Variants in STXBP4 observed in about 807,000 individuals in gnomAD.
The protein encoded by STXBP4 is syntaxin-binding protein 4.
STXBP4 carries 55 observed loss-of-function variants against 76.1 expected under a neutral mutation model. That is an observed-to-expected ratio of 0.72 (90% CI 0.58 to 0.91). The LOEUF (loss-of-function observed/expected upper bound fraction) is 0.91, where lower values mean the gene tolerates loss of function less well. Among genes scored for constraint, STXBP4 ranks in the 40% least tolerant of loss-of-function variants. STXBP4 has a pLI of 0.00. For synonymous variants in STXBP4, 201 were observed against 220.2 expected, an observed-to-expected ratio of 0.91 and a Z score of 0.77; for missense variants, 618 against 636.9, an observed-to-expected ratio of 0.97 and a Z score of 0.32.
chr17:55,105,751 T>C (rs1427716338), intron 16 of STXBP4, among the ~76,000 whole-genome samples: 1 of 152,136 alleles, frequency 6.6e-6, no homozygotes, highest in Non-Finnish European at 1.5e-5. Context: ...GTGCTGGGAT[T>C]ACAGGCATGA....
the STXBP4 span, among the ~76,000 whole-genome samples, chr17:55,190,658 C>T: frequency 1.5e-3 from 223 of 152,164 alleles, 7 homozygotes; most frequent in South Asian, 0.045. Flanking sequence ...GATCTGCTCC[C>T]GAGGGAGATA....
chr17:55,139,749 C>T (rs1453655080), intron 16 of STXBP4, among the ~76,000 whole-genome samples: 1 of 151,972 alleles, frequency 6.6e-6, no homozygotes, highest in Non-Finnish European at 1.5e-5. Flanking sequence ...CTAGGAAGTG[C>T]TTATTTTCTA....
chr17:54,971,389 CT>C (rs2077398483), intron 1 of STXBP4, among the ~76,000 whole-genome samples: 1 of 152,196 alleles, frequency 6.6e-6, no homozygotes, highest in South Asian at 2.1e-4. Flanking sequence ...GATTCACTTC[CT>C]GGTGAGGGGT....
chr17:55,067,936 A>C (rs931174104), intron 12 of STXBP4, among the ~76,000 whole-genome samples: 1 of 152,136 alleles, frequency 6.6e-6, no homozygotes, highest in Admixed American at 6.5e-5. Flanking sequence ...AAAAGAAAGC[A>C]TATGTCAGAG....
At chr17:55,046,207 G>C (rs922579562) in intron 11 of STXBP4, among the ~76,000 whole-genome samples, 2 of 151,940 alleles carry the variant, frequency 1.3e-5, no homozygotes, top group Non-Finnish European at 2.9e-5. Context: ...GAGTGAAGGT[G>C]ACTTCCCAGA....
chr17:55,116,418 T>G (rs1028875292), intron 16 of STXBP4, among the ~76,000 whole-genome samples: 1 of 151,846 alleles, frequency 6.6e-6, no homozygotes. Flanking sequence ...AGTTGCTGAC[T>G]TGCCATGTGA....
At chr17:55,042,166 T>C (rs1173782138) in intron 10 of STXBP4, among the ~76,000 whole-genome samples, 1 of 152,160 alleles carries the variant, frequency 6.6e-6, no homozygotes. Flanking sequence ...AAAGCAAATA[T>C]GAGTTTATTA....
At chr17:54,990,565 A>T (rs901613824) in intron 3 of STXBP4, among the ~76,000 whole-genome samples, 5 of 152,138 alleles carry the variant, frequency 3.3e-5, no homozygotes, top group African/African-American at 1.2e-4. Context: ...TAATTATTTT[A>T]TTATATATTA....
chr17:55,159,807 C>A lies in STXBP4; in HGVS notation c.1558C>A (p.Gln520Lys). The A allele has an allele frequency of 6.2e-7, 1 of 1,608,770 alleles. No homozygotes were observed. Among genetic ancestry groups the A allele is most frequent in the Non-Finnish European group, 8.5e-7 (1 of 1,175,508 alleles). ...CTTGTTCTTCTCAAGTCATGTAACACAGACTACATCCTGGATCCATCCCGT... is the reference window on the plus strand; with the variant it reads ...CTTGTTCTTCTCAAGTCATGTAACAAAGACTACATCCTGGATCCATCCCGT... ...GIKYFINHVTQTTSWIHPVMS... is the reference protein window; with the variant it reads ...GIKYFINHVTKTTSWIHPVMS... Residue 520 changes from glutamine (Q) to lysine (K), a missense_variant, in exon 18 of 18, where the codon CAG becomes AAG. Gln to Lys is a moderately conservative substitution (Grantham distance 53, BLOSUM62 1). Coordinates refer to ENST00000376352, the MANE Select transcript of STXBP4 (RefSeq NM_178509.6).
At chr17:55,064,852 G>A (rs756381907) in intron 12 of STXBP4, among the ~76,000 whole-genome samples, 31 of 151,758 alleles carry the variant, frequency 2.0e-4, no homozygotes, top group South Asian at 4.2e-4. Context: ...ATGATTTTTC[G>A]TTTTTTATAA....
At chr17:55,034,775 A>G (rs1018318851) in intron 10 of STXBP4, among the ~76,000 whole-genome samples, 10 of 152,092 alleles carry the variant, frequency 6.6e-5, no homozygotes, top group Non-Finnish European at 1.0e-4. Flanking sequence ...CCCCACAAAA[A>G]ATTGGGTAAC....
At chr17:55,030,593 C>G (rs1482279469) in intron 8 of STXBP4, among the ~76,000 whole-genome samples, 2 of 152,162 alleles carry the variant, frequency 1.3e-5, no homozygotes, top group South Asian at 2.1e-4. Context: ...AATTAACAGT[C>G]TCTGAATTTT....
intron 8 of STXBP4, among the ~76,000 whole-genome samples, chr17:55,016,810 A>T (rs941281961): frequency 6.6e-6 from 1 of 152,230 alleles, no homozygotes; most frequent in Non-Finnish European, 1.5e-5. Flanking sequence ...CCCATACTTT[A>T]AGATTTTTGA....
chr17:55,081,599 G>C (rs1473928795), intron 16 of STXBP4, among the ~76,000 whole-genome samples: 1 of 152,170 alleles, frequency 6.6e-6, no homozygotes, highest in East Asian at 1.9e-4. Context: ...CTGAAACGAT[G>C]AGTTAAGCAG....
At chr17:55,140,295 G>A (rs2080080305) in intron 16 of STXBP4, among the ~76,000 whole-genome samples, 1 of 152,130 alleles carries the variant, frequency 6.6e-6, no homozygotes. Context: ...GCAACAGAGA[G>A]AAACCCTGCC....
chr17:55,189,184 A>T, the STXBP4 span, among the ~76,000 whole-genome samples: 17 of 152,310 alleles, frequency 1.1e-4, no homozygotes, highest in African/African-American at 4.1e-4. Flanking sequence ...AAAATGCTGA[A>T]AGGATGCTTC....
At chr17:55,095,796 G>A (rs1446191150) in intron 16 of STXBP4, among the ~76,000 whole-genome samples, 1 of 152,048 alleles carries the variant, frequency 6.6e-6, no homozygotes, top group African/African-American at 2.4e-5. Flanking sequence ...AGAACTTAAT[G>A]ATTTACTTAA....
chr17:55,163,227 T>TTC lies in STXBP4; in HGVS notation c.*3317_*3318insCT, dbSNP rs1290134118. On this transcript the variant is annotated 3_prime_UTR_variant, in exon 18 of 18. Transcript: ENST00000376352. Reference sequence around the variant, plus strand: ...CCTATAGATTTTCTGGGTTTTTTTTTTTTTTTTGTCCTTGGAAGAATAACC... The same window carrying TTC: ...CCTATAGATTTTCTGGGTTTTTTTTTTCTTTTTTTGTCCTTGGAAGAATAACC... 2 of 151,418 alleles carry TTC rather than the reference T, an allele frequency of 1.3e-5. No individual in the cohort carries two copies. The highest frequency in any genetic ancestry group is 2.9e-5 in the Non-Finnish European group (2 of 67,852). The allele number at this position is 151,418 out of a possible 1,614,324, so 9.4% of individuals were successfully genotyped here.
At chr17:55,091,514 A>G (rs890634403) in intron 16 of STXBP4, among the ~76,000 whole-genome samples, 1 of 152,164 alleles carries the variant, frequency 6.6e-6, no homozygotes, top group Admixed American at 6.5e-5. Flanking sequence ...GGAAAATTTC[A>G]CACCTGACCT....
Sources: allele counts gnomAD v4.1 joint callset (sites outside exome capture counted in the v4.1 genomes callset), GRCh38; gene constraint gnomAD v4.1.1; transcripts MANE v1.5; gene names NCBI Gene and HGNC (gene_info 2026-07-23, HGNC 2026-07-21).